The following KSR2 variants were observed in gnomAD, a reference collection of about 807,000 sequenced individuals.
KSR2 encodes the protein kinase suppressor of ras 2.
In KSR2, 25 loss-of-function variants were observed where a neutral mutation model predicts 107.8. That is an observed-to-expected ratio of 0.23 (90% confidence interval 0.17 to 0.32). The LOEUF (loss-of-function observed/expected upper bound fraction) is 0.32, where lower values mean the gene tolerates loss of function less well. KSR2 is among the 10% of genes least tolerant of loss of function. The pLI, the probability that KSR2 is intolerant of heterozygous loss-of-function variation, is 1.00. For missense variants in KSR2, 887 were observed against 1,268.9 expected (o/e 0.70, Z 4.57); for synonymous variants, 480 against 507.0 (o/e 0.95, Z 0.71).
rs140519674 is a variant in KSR2, at chr12:117,694,629, C to G, written c.987-26971G>C. On this transcript the variant is annotated intron_variant, in intron 4 of 19. Coordinates refer to ENST00000339824, the MANE Select transcript of KSR2 (RefSeq NM_173598.6). ...TGGTTCACAGCAGTTCACATGTTCA[C>G]AGCAGCATTATTCACAATAGCCAAC... is the stretch of plus-strand genomic sequence containing the variant. Among the ~76,000 whole-genome samples, 430 of 152,282 alleles carry G rather than the reference C, an allele frequency of 2.8e-3. 2 individuals carry two copies. The highest frequency in any genetic ancestry group is 1.0e-2 in the African/African-American group (414 of 41,562).
At chr12:117,739,492 T>C (rs986632701) in intron 4 of KSR2, among the ~76,000 whole-genome samples, 1 of 152,228 alleles carries the variant, frequency 6.6e-6, no homozygotes, top group African/African-American at 2.4e-5. Context: ...CAGGTCATCC[T>C]TGCCCAAAAC....
rs189834448 is a variant in KSR2 at position 117,957,200 on chromosome 12, C to A, written c.180+10876G>T. 2.0e-5 allele frequency among the ~76,000 whole-genome samples: 3 copies of A among 152,228 alleles called. No individual in the cohort carries two copies. The South Asian group carries it at 6.2e-4, about 32-fold the overall frequency. ...CACCTTTGGGGAGTCCACAGGAGAGCAGTAAACCTCTGTCTGTTCCTGTGT... is the reference window on the plus strand; with the variant it reads ...CACCTTTGGGGAGTCCACAGGAGAGAAGTAAACCTCTGTCTGTTCCTGTGT... On this transcript the variant is annotated intron_variant, in intron 1 of 19. Transcript: ENST00000339824.
chr12:117,852,188 C>T (rs1892951755), intron 3 of KSR2, among the ~76,000 whole-genome samples: 3 of 151,652 alleles, frequency 2.0e-5, no homozygotes, highest in Admixed American at 2.0e-4. Context: ...TCTGGGAGGC[C>T]AAGGCAGGCG....
intron 1 of KSR2, among the ~76,000 whole-genome samples, chr12:117,961,330 C>A (rs924803357): frequency 6.6e-6 from 1 of 152,150 alleles, no homozygotes; most frequent in Non-Finnish European, 1.5e-5. Flanking sequence ...ACCTGCAAAC[C>A]AAGAACACCC....
intron 5 of KSR2, among the ~76,000 whole-genome samples, chr12:117,659,402 A>T (rs2136460098): frequency 6.6e-6 from 1 of 152,268 alleles, no homozygotes; most frequent in East Asian, 1.9e-4. Flanking sequence ...CCTCTCATGG[A>T]ACATACACAC....
At chr12:117,728,457 G>A (rs1255905680) in intron 4 of KSR2, among the ~76,000 whole-genome samples, 30 of 152,164 alleles carry the variant, frequency 2.0e-4, no homozygotes, top group Admixed American at 1.9e-3. Context: ...TGGCCCAGGC[G>A]GACATCCCAG....
chr12:117,650,866 G>T (rs1883875379), intron 5 of KSR2, among the ~76,000 whole-genome samples: 1 of 152,206 alleles, frequency 6.6e-6, no homozygotes, highest in Admixed American at 6.5e-5. Flanking sequence ...TACTAAGATT[G>T]CCCTGAGTGA....
intron 1 of KSR2, among the ~76,000 whole-genome samples, chr12:117,869,315 T>G (rs995268305): frequency 6.8e-6 from 1 of 147,070 alleles, no homozygotes; most frequent in Non-Finnish European, 1.5e-5. Context: ...GAGGTTGCAG[T>G]GAACAGAGAT....
intron 1 of KSR2, among the ~76,000 whole-genome samples, chr12:117,939,238 G>C (rs1002393017): frequency 3.9e-5 from 6 of 152,194 alleles, no homozygotes; most frequent in Non-Finnish European, 8.8e-5. Context: ...AGTACTTACT[G>C]TTTATGAGAA....
At chr12:117,772,653 C>A (rs1371555343) in intron 3 of KSR2, among the ~76,000 whole-genome samples, 1 of 149,230 alleles carries the variant, frequency 6.7e-6, no homozygotes, top group Non-Finnish European at 1.5e-5. Flanking sequence ...CACATACACA[C>A]CATTCTCCCA....
At chr12:117,833,903 C>A (rs531279998) in intron 3 of KSR2, among the ~76,000 whole-genome samples, 1 of 151,538 alleles carries the variant, frequency 6.6e-6, no homozygotes, top group African/African-American at 2.4e-5. Flanking sequence ...CCGAGGCAGG[C>A]GGATCGCTTG....
At chr12:117,906,693 C>T (rs1370886157) in intron 1 of KSR2, among the ~76,000 whole-genome samples, 1 of 152,064 alleles carries the variant, frequency 6.6e-6, no homozygotes, top group African/African-American at 2.4e-5. Flanking sequence ...TCATTGATTC[C>T]TTATAGCAGC....
intron 5 of KSR2, among the ~76,000 whole-genome samples, chr12:117,620,206 C>G (rs1040333816): frequency 6.6e-6 from 1 of 152,116 alleles, no homozygotes; most frequent in Non-Finnish European, 1.5e-5. Flanking sequence ...TCTGAACCCA[C>G]GTCTAAAAGC....
intron 1 of KSR2, among the ~76,000 whole-genome samples, chr12:117,872,565 CAA>C (rs554495336): frequency 1.6e-4 from 20 of 123,090 alleles, no homozygotes; most frequent in Admixed American, 4.2e-4. Flanking sequence ...ACGCTGTCTC[CAA>C]AAAAAAAAAA....
intron 4 of KSR2, among the ~76,000 whole-genome samples, chr12:117,679,941 T>C (rs7294385): frequency 0.41 from 62,351 of 152,054 alleles, 13,134 homozygotes; most frequent in East Asian, 0.53. Flanking sequence ...TGCCTGACAA[T>C]AGCAGGGTTA....
At position 117,956,849 on chromosome 12, in the gene KSR2, C is replaced by T. The variant is rs368780774; in HGVS notation, c.180+11227G>A. 5.9e-5 allele frequency among the ~76,000 whole-genome samples: 9 copies of T among 152,272 alleles called. 1 individual carries two copies. Among genetic ancestry groups the T allele is most frequent in the Admixed American group, 1.3e-4 (2 of 15,306 alleles). On this transcript the variant is annotated intron_variant, in intron 1 of 19. Coordinates refer to ENST00000339824, the MANE Select transcript of KSR2 (RefSeq NM_173598.6). ...ACAGCACATTTCAACTAGGACTCAC[C>T]GTATTTCCGTTGGTCAATGGCCACA...
chr12:117,612,965 G>A (rs1433156516), intron 5 of KSR2, among the ~76,000 whole-genome samples: 2 of 152,174 alleles, frequency 1.3e-5, no homozygotes, highest in African/African-American at 4.8e-5. Context: ...ATGATTGTAA[G>A]TTTCCTGAGA....
In KSR2 at chr12:117,484,552, G is replaced by T. The variant is rs781682051; in HGVS notation, c.2317-3C>A. The T allele has an allele frequency of 3.1e-6, 5 of 1,613,372 alleles. No individual in the cohort carries two copies. The Admixed American group carries it at 8.3e-5, about 27-fold the overall frequency. Reference sequence around the variant, plus strand: ...TTGGCGTGGAGGTAGCCCATGCCCTGCAAGAAGCAAGGAACAGAGAGTTGC... The same window carrying T: ...TTGGCGTGGAGGTAGCCCATGCCCTTCAAGAAGCAAGGAACAGAGAGTTGC... On this transcript the variant is annotated splice_polypyrimidine_tract_variant and splice_region_variant and intron_variant, in intron 15 of 19. Transcript: ENST00000339824.
At chr12:117,752,605 AT>A (rs1465848849) in intron 4 of KSR2, among the ~76,000 whole-genome samples, 1 of 152,238 alleles carries the variant, frequency 6.6e-6, no homozygotes, top group East Asian at 1.9e-4. Flanking sequence ...GAATTTTATC[AT>A]CTATTGCTTA....
Sources: allele counts gnomAD v4.1 joint callset (sites outside exome capture counted in the v4.1 genomes callset), GRCh38; gene constraint gnomAD v4.1.1; transcripts MANE v1.5; gene names NCBI Gene and HGNC (gene_info 2026-07-23, HGNC 2026-07-21).